DMD: variants seen among roughly 807,000 people sequenced by gnomAD.
DMD encodes mutant dystrophin.
A neutral mutation model predicts 330.1 loss-of-function variants in DMD; 63 were observed. The ratio of observed to expected loss-of-function variants is 0.19; its 90% CI spans 0.16 to 0.24. The LOEUF (loss-of-function observed/expected upper bound fraction) is 0.24, where lower values mean the gene tolerates loss of function less well. Ranked by LOEUF, DMD falls within the 10% of genes least tolerant of loss-of-function variation. The pLI, the probability that DMD is intolerant of heterozygous loss-of-function variation, is 1.00. For missense variants in DMD, 3,344 were observed against 2,684.1 expected (o/e 1.25, Z -5.43); for synonymous variants, 1,223 against 959.8 (o/e 1.27, Z -5.07).
intron 44 of DMD, among the ~76,000 whole-genome samples, chrX:32,013,093 C>T (rs201811613): frequency 4.9e-5 from 3 of 61,189 alleles, no homozygotes; most frequent in African/African-American, 8.1e-5. Context: ...CTTTTCTTTC[C>T]TTTTTTTTTT....
intron 45 of DMD, among the ~76,000 whole-genome samples, chrX:31,936,333 G>A (rs981219387): frequency 1.3e-4 from 15 of 111,410 alleles, no homozygotes; most frequent in African/African-American, 3.9e-4. Context: ...CAGAACACTC[G>A]TAAACTCCCA....
At chrX:31,221,675 C>T (rs1272958207) in intron 64 of DMD, among the ~76,000 whole-genome samples, 1 of 112,999 alleles carries the variant, frequency 8.8e-6, no homozygotes, top group Non-Finnish European at 1.9e-5. Context: ...ATTCTTAATA[C>T]ATTATACATA....
chrX:32,017,681 C>G (rs1360383349), intron 44 of DMD, among the ~76,000 whole-genome samples: 1 of 111,645 alleles, frequency 9.0e-6, no homozygotes, highest in African/African-American at 3.3e-5. Context: ...TCCAAGATGG[C>G]AAGATGAAGC....
At chrX:32,715,344 G>A (rs2065588917) in intron 7 of DMD, among the ~76,000 whole-genome samples, 1 of 108,752 alleles carries the variant, frequency 9.2e-6, no homozygotes, top group Admixed American at 9.9e-5. Flanking sequence ...TGGCTTGGTG[G>A]TGTGCGCCTG....
intron 60 of DMD, among the ~76,000 whole-genome samples, chrX:31,380,406 C>T (rs2060115500): frequency 9.1e-6 from 1 of 109,621 alleles, no homozygotes; most frequent in Non-Finnish European, 1.9e-5. Context: ...GCATAAGACA[C>T]CTCTACTCCC....
intron 57 of DMD, among the ~76,000 whole-genome samples, chrX:31,495,437 C>T (rs1040101708): frequency 5.4e-5 from 6 of 111,443 alleles, no homozygotes; most frequent in African/African-American, 1.6e-4. Context: ...CCACTCTACA[C>T]CAGACACTTT....
chrX:31,158,283 T>G (rs2038390092), intron 74 of DMD, among the ~76,000 whole-genome samples: 1 of 112,248 alleles, frequency 8.9e-6, no homozygotes, highest in African/African-American at 3.2e-5. Flanking sequence ...AATGAAATAC[T>G]AATACGGGCT....
intron 59 of DMD, among the ~76,000 whole-genome samples, chrX:31,448,275 T>C (rs1014232722): frequency 7.2e-5 from 8 of 110,896 alleles, no homozygotes; most frequent in Admixed American, 6.7e-4. Flanking sequence ...GTAGGAAAGA[T>C]AAAAAGGAAA....
chrX:32,782,422 GAAC>G (rs776669950), intron 7 of DMD, among the ~76,000 whole-genome samples: 130 of 111,873 alleles, frequency 1.2e-3, no homozygotes, highest in Non-Finnish European at 2.1e-3. Flanking sequence ...CAGAGTGGAA[GAAC>G]AACATCCCAG....
In DMD at chrX:31,658,148, T is replaced by C. The variant is rs760693222; in HGVS notation, c.7873-4A>G. ...GGCGGAGGTCTTTGGCCAACTGCTA[T>C]AGATTTTTATGAGAAAGAGAATGAA... is the stretch of plus-strand genomic sequence containing the variant. On this transcript the variant is annotated splice_region_variant and splice_polypyrimidine_tract_variant and intron_variant, in intron 53 of 78. Coordinates refer to ENST00000357033, the MANE Select transcript of DMD (RefSeq NM_004006.3). 8.3e-7 allele frequency: 1 copy of C among 1,210,831 alleles called. No individual in the cohort carries two copies. The highest frequency in any genetic ancestry group is 1.8e-5 in the South Asian group (1 of 56,972).
chrX:32,024,700 G>A (rs1035035032), intron 44 of DMD, among the ~76,000 whole-genome samples: 4 of 110,657 alleles, frequency 3.6e-5, no homozygotes, highest in Non-Finnish European at 5.7e-5. Context: ...CTGTCCTGTG[G>A]GATTGTTGTG....
chrX:32,803,946 G>T (rs779515542), intron 7 of DMD, among the ~76,000 whole-genome samples: 1 of 112,035 alleles, frequency 8.9e-6, no homozygotes, highest in Non-Finnish European at 1.9e-5. Context: ...TTGGGGTGGA[G>T]AGTTCTGTAG....
chrX:31,256,656 G>A (rs2049987695), intron 63 of DMD, among the ~76,000 whole-genome samples: 3 of 111,140 alleles, frequency 2.7e-5, no homozygotes, highest in African/African-American at 9.8e-5. Context: ...AAATACATGA[G>A]ATGATCTCTT....
In DMD at chrX:31,537,200, G is replaced by A. The variant is rs768559367; in HGVS notation, c.8218-29747C>T. ...TCTTATCTTTCATGATGCTTTTGTA[G>A]TATTTGACACCTCTAAATGTTACTT... On this transcript the variant is annotated intron_variant, in intron 55 of 78. Transcript: ENST00000357033. 6.3e-5 allele frequency among the ~76,000 whole-genome samples: 7 copies of A among 111,752 alleles called. No homozygotes were observed. The South Asian group carries it at 2.6e-3, about 42-fold the overall frequency.
chrX:31,671,993 G>C (rs1252980127), intron 53 of DMD, among the ~76,000 whole-genome samples: 1 of 110,896 alleles, frequency 9.0e-6, no homozygotes, highest in Non-Finnish European at 1.9e-5. Context: ...TAGAAGCTTA[G>C]GCTACTGATT....
intron 7 of DMD, among the ~76,000 whole-genome samples, chrX:32,719,061 T>A (rs1052517262): frequency 2.7e-5 from 3 of 111,636 alleles, no homozygotes; most frequent in Admixed American, 1.9e-4. Flanking sequence ...CTAGAGAAGG[T>A]AGGCAAATAG....
At chrX:32,773,792 C>T (rs1216336452) in intron 7 of DMD, among the ~76,000 whole-genome samples, 1 of 111,293 alleles carries the variant, frequency 9.0e-6, no homozygotes, top group Non-Finnish European at 1.9e-5. Context: ...GTTTTCAATA[C>T]TATATTTTCT....
chrX:32,831,260 A>G (rs1051724846), intron 4 of DMD, among the ~76,000 whole-genome samples: 2 of 110,620 alleles, frequency 1.8e-5, no homozygotes, highest in African/African-American at 6.6e-5. Flanking sequence ...ACCATCGTCA[A>G]TATTTTATTC....
chrX:32,065,032 TAA>T (rs1569538807), intron 44 of DMD, among the ~76,000 whole-genome samples: 1 of 111,452 alleles, frequency 9.0e-6, no homozygotes, highest in Non-Finnish European at 1.9e-5. Context: ...CAACCAATGA[TAA>T]AAGAGAAAAG....
Sources: allele counts gnomAD v4.1 joint callset (sites outside exome capture counted in the v4.1 genomes callset), GRCh38; gene constraint gnomAD v4.1.1; transcripts MANE v1.5; gene names NCBI Gene and HGNC (gene_info 2026-07-23, HGNC 2026-07-21).